Variants in POF1B observed in about 807,000 individuals in gnomAD.
The protein encoded by POF1B is protein POF1B.
Under a neutral mutation model 55.3 loss-of-function variants are expected in POF1B, and 53 were observed. That is an observed-to-expected ratio of 0.96 (90% CI 0.77 to 1.20). POF1B has a LOEUF of 1.20. POF1B is among the 50% of genes most tolerant of loss of function. The probability of loss-of-function intolerance (pLI) is 0.00; values close to 1 mark genes in which losing one functional copy is unlikely to be tolerated. For missense variants in POF1B, 478 were observed against 420.5 expected (o/e 1.14, Z -1.20); for synonymous variants, 188 against 148.3 (o/e 1.27, Z -1.95).
At chrX:85,284,466 C>G (rs1308034517) in intron 15 of POF1B, among the ~76,000 whole-genome samples, 2 of 111,513 alleles carry the variant, frequency 1.8e-5, no homozygotes, top group Non-Finnish European at 3.8e-5. Flanking sequence ...AAATATAGAC[C>G]AATGGAACAG....
chrX:85,371,866 A>C (rs1406296261), intron 2 of POF1B, among the ~76,000 whole-genome samples: 1 of 111,683 alleles, frequency 9.0e-6, no homozygotes, highest in African/African-American at 3.3e-5. Flanking sequence ...AAGCCTCTAA[A>C]ACTCAATAAA....
intron 3 of POF1B, among the ~76,000 whole-genome samples, 163 bp from the exon 4 acceptor site, chrX:85,359,793 A>T (rs1481060287): frequency 9.0e-6 from 1 of 111,439 alleles, no homozygotes; most frequent in Non-Finnish European, 1.9e-5. Flanking sequence ...AGAAACATGT[A>T]TAAAAGCATG....
intron 9 of POF1B, among the ~76,000 whole-genome samples, chrX:85,311,344 T>C (rs1932692502): frequency 9.0e-6 from 1 of 110,636 alleles, no homozygotes; most frequent in South Asian, 3.9e-4. Flanking sequence ...CTCCTAATGC[T>C]ATCCCTCCCC....
chrX:85,326,415 G>C (rs1296533551), intron 7 of POF1B, among the ~76,000 whole-genome samples: 1 of 110,077 alleles, frequency 9.1e-6, no homozygotes, highest in East Asian at 2.9e-4. Context: ...GGCAGCTACT[G>C]CTGGGGGGTG....
chrX:85,376,561 C>A, intron 2 of POF1B, among the ~76,000 whole-genome samples: 1 of 111,175 alleles, frequency 9.0e-6, no homozygotes, highest in South Asian at 3.8e-4. Context: ...TTAATTTTCT[C>A]TGAGAAACAC....
chrX:85,356,611 A>G (rs745540856), intron 4 of POF1B, among the ~76,000 whole-genome samples: 2 of 111,325 alleles, frequency 1.8e-5, no homozygotes, highest in African/African-American at 3.3e-5. Flanking sequence ...AAGGAAGTAA[A>G]TCAAAAATTG....
At chrX:85,362,389 A>G (rs952684306) in intron 3 of POF1B, among the ~76,000 whole-genome samples, 6 of 111,312 alleles carry the variant, frequency 5.4e-5, no homozygotes, top group Non-Finnish European at 1.1e-4. Flanking sequence ...TTTGTCACAT[A>G]TGGCTCTTAT....
chrX:85,371,921 T>C (rs984203979), intron 2 of POF1B, among the ~76,000 whole-genome samples: 1 of 112,379 alleles, frequency 8.9e-6, no homozygotes, highest in East Asian at 2.8e-4. Context: ...ATCTCTTCAA[T>C]TTTGCAGGAA....
chrX:85,308,296 A>G (rs771006352), intron 9 of POF1B, 80 bp from the exon 10 acceptor site: 36 of 565,347 alleles, frequency 6.4e-5, no homozygotes, highest in Non-Finnish European at 9.4e-5. Context: ...TTTTTTTCCT[A>G]CTAGCAAACT....
intron 3 of POF1B, among the ~76,000 whole-genome samples, chrX:85,361,990 ATG>A (rs913210083): frequency 4.7e-5 from 4 of 84,850 alleles, no homozygotes; most frequent in East Asian, 7.2e-4. Context: ...GTGTGTGTGT[ATG>A]TGTGTGTGTG....
intron 2 of POF1B, among the ~76,000 whole-genome samples, chrX:85,377,077 C>T (rs1933935298): frequency 8.9e-6 from 1 of 111,919 alleles, no homozygotes; most frequent in South Asian, 3.7e-4. Flanking sequence ...CACATCAACT[C>T]ATCTGAAACG....
rs375025192 is a variant in POF1B at position 85,354,730 on chromosome X, C to T, written c.439-3279G>A. 2.3e-3 allele frequency among the ~76,000 whole-genome samples: 255 copies of T among 110,703 alleles called. 1 individual carries two copies. Among genetic ancestry groups the T allele is most frequent in the Middle Eastern group, 0.023 (5 of 218 alleles). ...CAATTGCTTCAAAGAGAATAAAATACCTAGGAATCCAACTTACAAGGGACG... is the reference window on the plus strand; with the variant it reads ...CAATTGCTTCAAAGAGAATAAAATATCTAGGAATCCAACTTACAAGGGACG... On this transcript the variant is annotated intron_variant, in intron 4 of 16. Transcript: ENST00000262753.
intron 15 of POF1B, among the ~76,000 whole-genome samples, chrX:85,291,437 T>G (rs1932185390): frequency 8.9e-6 from 1 of 112,146 alleles, no homozygotes; most frequent in South Asian, 3.7e-4. Flanking sequence ...TCGTTCCATA[T>G]GATTTTGAAA....
chrX:85,340,033 T>C (rs1489506184), intron 6 of POF1B, among the ~76,000 whole-genome samples: 2 of 110,913 alleles, frequency 1.8e-5, no homozygotes, highest in Non-Finnish European at 3.8e-5. Context: ...CACCATCCAT[T>C]GTTAGTAGAA....
chrX:85,315,426 A>G (rs1391485282), intron 8 of POF1B, among the ~76,000 whole-genome samples: 1 of 111,295 alleles, frequency 9.0e-6, no homozygotes, highest in Non-Finnish European at 1.9e-5. Context: ...TGTACACACA[A>G]AAATTAAAAA....
At chrX:85,370,712 A>C (rs749531759) in intron 2 of POF1B, among the ~76,000 whole-genome samples, 1 of 111,920 alleles carries the variant, frequency 8.9e-6, no homozygotes, top group East Asian at 2.8e-4. Context: ...TTTCAATGGC[A>C]TCAAGATCTA....
At position 85,277,848 on chromosome X, in the gene POF1B, AC is replaced by A. The variant is rs1458090549; in HGVS notation, c.*1572del. 1.8e-5 allele frequency: 2 copies of A among 110,753 alleles called. No homozygotes were observed. The highest frequency in any genetic ancestry group is 6.6e-5 in the African/African-American group (2 of 30,513). The allele number at this position is 110,753 out of a possible 1,213,427, so 9.1% of individuals were successfully genotyped here. A position where few individuals can be genotyped will look rare whatever the true frequency, so the allele number is the denominator to read the frequency against. On this transcript the variant is annotated 3_prime_UTR_variant, in exon 17 of 17. Transcript: ENST00000262753. ...AACAATTTCCTACTAAGCTAATAAA[AC>A]TTCCCCTTATATTATTTGTAATGTG...
chrX:85,358,496 C>T (rs6524432), intron 4 of POF1B, among the ~76,000 whole-genome samples: 20,542 of 110,620 alleles, frequency 0.19, 3,756 homozygotes, highest in African/African-American at 0.57. Flanking sequence ...TTGATTAGTA[C>T]TAATTGGATT....
At chrX:85,370,970 T>A (rs780775824) in intron 2 of POF1B, among the ~76,000 whole-genome samples, 3 of 111,814 alleles carry the variant, frequency 2.7e-5, no homozygotes, top group Non-Finnish European at 5.6e-5. Context: ...AATGTTTTTG[T>A]TTTTATGCCT....
Sources: gnomAD v4.1 joint callset for allele counts (sites outside exome capture counted in the v4.1 genomes callset) on GRCh38, gnomAD v4.1.1 for gene constraint, MANE v1.5 for transcripts, NCBI Gene and HGNC (gene_info 2026-07-23, HGNC 2026-07-21) for gene names.